Variants in ACTR3C observed in about 807,000 individuals in gnomAD.
ACTR3C encodes actin related protein 3C.
ACTR3C carries 18 observed loss-of-function variants against 26.3 expected under a neutral mutation model. The ratio of observed to expected loss-of-function variants is 0.68; its 90% confidence interval spans 0.47 to 1.01. The LOEUF (loss-of-function observed/expected upper bound fraction) is 1.01. Among genes scored for constraint, ACTR3C ranks in the 50% least tolerant of loss-of-function variants. The probability of loss-of-function intolerance (pLI) is 0.00; values close to 1 mark genes in which losing one functional copy is unlikely to be tolerated. For synonymous variants in ACTR3C, 55 were observed against 94.5 expected (o/e 0.58, Z 2.42); for missense variants, 184 against 250.7 (o/e 0.73, Z 1.80).
chr7:150,195,169 T>C, the ACTR3C span, among the ~76,000 whole-genome samples: 1 of 150,230 alleles, frequency 6.7e-6, no homozygotes. Context: ...ATCACAACAA[T>C]GTATGCTGTG....
the ACTR3C span, among the ~76,000 whole-genome samples, chr7:150,157,267 T>G: frequency 6.6e-6 from 1 of 152,156 alleles, no homozygotes; most frequent in Non-Finnish European, 1.5e-5. Flanking sequence ...AATGGTAGCT[T>G]CTTTAAAGCA....
intron 6 of ACTR3C, among the ~76,000 whole-genome samples, chr7:150,255,709 G>T (rs556668634): frequency 1.5e-3 from 225 of 152,222 alleles, no homozygotes; most frequent in Middle Eastern, 6.8e-3. Flanking sequence ...CAAGAGAGAA[G>T]TATTTTCACC....
the ACTR3C span, among the ~76,000 whole-genome samples, chr7:150,037,963 G>A: frequency 1.0e-3 from 135 of 135,470 alleles, 23 homozygotes; most frequent in African/African-American, 3.6e-3. Flanking sequence ...AAGAGCCAGG[G>A]GAGGAAAGGG....
the ACTR3C span, among the ~76,000 whole-genome samples, chr7:150,177,274 T>C: frequency 6.6e-6 from 1 of 150,726 alleles, no homozygotes; most frequent in South Asian, 2.1e-4. Context: ...AACTAATTTT[T>C]TCCATCCGAC....
At chr7:150,038,797 G>C in the ACTR3C span, among the ~76,000 whole-genome samples, 232 of 139,024 alleles carry the variant, frequency 1.7e-3, 25 homozygotes, top group African/African-American at 6.0e-3. Flanking sequence ...TCCCCGCCTC[G>C]CGGGGGGTGC....
the ACTR3C span, among the ~76,000 whole-genome samples, chr7:150,087,410 A>G: frequency 4.4e-3 from 677 of 152,316 alleles, 10 homozygotes; most frequent in African/African-American, 0.016. Context: ...CTCTCTCACT[A>G]TAAACAATTA....
chr7:150,070,279 C>T, the ACTR3C span, among the ~76,000 whole-genome samples: 2 of 152,204 alleles, frequency 1.3e-5, no homozygotes, highest in African/African-American at 4.8e-5. Flanking sequence ...CAACTCACAC[C>T]TGGTGCCCTC....
chr7:150,293,041 T>C (rs1836411426), intron 3 of ACTR3C, among the ~76,000 whole-genome samples: 2 of 152,160 alleles, frequency 1.3e-5, no homozygotes, highest in East Asian at 3.9e-4. Flanking sequence ...GGACATTCTC[T>C]GACATTCTGA....
At chr7:149,984,212 T>C in the ACTR3C span, among the ~76,000 whole-genome samples, 1 of 149,398 alleles carries the variant, frequency 6.7e-6, no homozygotes, top group African/African-American at 2.5e-5. Context: ...TTTTTTTTTT[T>C]TCTTTTTTTG....
chr7:150,232,157 A>G, the ACTR3C span, among the ~76,000 whole-genome samples: 1 of 152,188 alleles, frequency 6.6e-6, no homozygotes, highest in Non-Finnish European at 1.5e-5. Context: ...TTGCTCTGCT[A>G]TCTTCTTTGT....
the ACTR3C span, among the ~76,000 whole-genome samples, chr7:150,143,494 C>T: frequency 2.0e-5 from 3 of 152,150 alleles, no homozygotes; most frequent in Non-Finnish European, 2.9e-5. Context: ...CTTGCAGATT[C>T]AACGACTGTA....
the ACTR3C span, among the ~76,000 whole-genome samples, chr7:150,104,123 T>C: frequency 1.3e-5 from 2 of 151,460 alleles, no homozygotes; most frequent in African/African-American, 4.9e-5. Flanking sequence ...TAATAGGCTA[T>C]AGTTATAAAA....
chr7:150,063,484 T>C, the ACTR3C span, among the ~76,000 whole-genome samples: 1 of 151,264 alleles, frequency 6.6e-6, no homozygotes, highest in Non-Finnish European at 1.5e-5. Flanking sequence ...GCTGGCTCTC[T>C]CCTCTCTGGT....
At chr7:150,011,905 T>C in the ACTR3C span, among the ~76,000 whole-genome samples, 55 of 152,374 alleles carry the variant, frequency 3.6e-4, no homozygotes, top group Non-Finnish European at 4.6e-4. Flanking sequence ...GTTGGCGAGA[T>C]GCATTAATGA....
At chr7:150,221,924 G>A in the ACTR3C span, among the ~76,000 whole-genome samples, 4 of 150,600 alleles carry the variant, frequency 2.7e-5, no homozygotes, top group African/African-American at 9.9e-5. Context: ...CGTGAACCCG[G>A]GAGGCGGATC....
chr7:150,137,131 C>T, the ACTR3C span, among the ~76,000 whole-genome samples: 9 of 152,308 alleles, frequency 5.9e-5, no homozygotes, highest in East Asian at 1.5e-3. Context: ...CCCTGTTCCT[C>T]ACAGGCTGTA....
At chr7:149,887,703 C>T in the ACTR3C span, among the ~76,000 whole-genome samples, 4 of 152,220 alleles carry the variant, frequency 2.6e-5, no homozygotes, top group South Asian at 4.1e-4. Context: ...TGGCCAAACC[C>T]CATGATATGA....
In ACTR3C at chr7:150,323,451, C is replaced by A; in HGVS notation, c.-52+18G>T. 1 of 356,092 alleles carries A rather than the reference C, an allele frequency of 2.8e-6. No homozygotes were observed. Among genetic ancestry groups the A allele is most frequent in the South Asian group, 2.0e-5 (1 of 50,282 alleles). 22.1% of individuals were successfully genotyped at this position (356,092 alleles called of 1,614,324 possible). A position where few individuals can be genotyped will look rare whatever the true frequency, so the allele number is the denominator to read the frequency against. On this transcript the variant is annotated intron_variant, in intron 1 of 7. Transcript: ENST00000683684. ...TCAGGGGCCGCCAGGCGGCGGGCGG[C>A]GGGGCTGCGGCTCTTACCTGCCGAG...
the ACTR3C span, among the ~76,000 whole-genome samples, chr7:149,962,230 AGAAGTGTAAGCTCATGG>A: frequency 6.6e-6 from 1 of 151,958 alleles, no homozygotes. Context: ...TTCACTCACA[AGAAGTGTAAGCTCATGG>A]GAAGTGTAAG....
Sources: allele counts gnomAD v4.1 joint callset (sites outside exome capture counted in the v4.1 genomes callset), GRCh38; gene constraint gnomAD v4.1.1; transcripts MANE v1.5; gene names NCBI Gene and HGNC (gene_info 2026-07-23, HGNC 2026-07-21).